Variants in TSPEAR observed in about 807,000 individuals in gnomAD.
TSPEAR encodes thrombospondin type laminin G domain and EAR repeats.
A neutral mutation model predicts 71.6 loss-of-function variants in TSPEAR; 69 were observed. The ratio of observed to expected loss-of-function variants is 0.96; its 90% CI spans 0.79 to 1.18. The LOEUF is 1.18. Among genes scored for constraint, TSPEAR ranks in the 50% most tolerant of loss-of-function variants. The probability of loss-of-function intolerance (pLI) is 0.00; values close to 1 mark genes in which losing one functional copy is unlikely to be tolerated. For missense variants in TSPEAR, 971 were observed against 894.9 expected, an observed-to-expected ratio of 1.09 and a Z score of -1.09; for synonymous variants, 402 against 387.2, an observed-to-expected ratio of 1.04 and a Z score of -0.45.
At chr21:44,703,196 G>A (rs1390513629) in intron 1 of TSPEAR, among the ~76,000 whole-genome samples, 4 of 152,144 alleles carry the variant, frequency 2.6e-5, no homozygotes, top group Non-Finnish European at 5.9e-5. Flanking sequence ...TTCTTTCTCG[G>A]GCCCTCTATG....
At chr21:44,535,595 G>A (rs587701267) in intron 2 of TSPEAR, among the ~76,000 whole-genome samples, 17 of 152,274 alleles carry the variant, frequency 1.1e-4, no homozygotes, top group African/African-American at 3.9e-4. Flanking sequence ...TGTACACTGC[G>A]ACTGCCTGCA....
At chr21:44,561,319 C>A (rs1601418319) in intron 2 of TSPEAR, among the ~76,000 whole-genome samples, 1 of 152,150 alleles carries the variant, frequency 6.6e-6, no homozygotes, top group African/African-American at 2.4e-5. Flanking sequence ...ATAGCAAGTT[C>A]TGAAATTGAG....
chr21:44,558,550 G>A, intron 2 of TSPEAR: 2 of 1,613,328 alleles, frequency 1.2e-6, no homozygotes, highest in Non-Finnish European at 8.5e-7. Flanking sequence ...TGGCAGCAGG[G>A]GCTGGACACA....
At chr21:44,580,705 C>T (rs1219398528) in intron 1 of TSPEAR, 16 of 1,016,532 alleles carry the variant, frequency 1.6e-5, no homozygotes, top group African/African-American at 9.7e-5. Context: ...CCCTCCCTGG[C>T]GTGTGTTGTC....
At chr21:44,538,833 T>G in intron 2 of TSPEAR, 1 of 224,412 alleles carries the variant, frequency 4.5e-6, no homozygotes, top group Non-Finnish European at 8.8e-6. Context: ...TGACCGTGAG[T>G]CCCACCTGGT....
intron 2 of TSPEAR, chr21:44,558,582 A>G (rs2053583261): frequency 6.2e-7 from 1 of 1,611,676 alleles, no homozygotes; most frequent in Non-Finnish European, 8.5e-7. Context: ...GGTGCAGACC[A>G]GGGTCAGGCA....
intron 7 of TSPEAR, chr21:44,526,048 G>A (rs1224446713): frequency 2.1e-6 from 1 of 471,238 alleles, no homozygotes; most frequent in Non-Finnish European, 3.8e-6. Context: ...CCTTGAAAAT[G>A]TCCATATTCT....
intron 8 of TSPEAR, among the ~76,000 whole-genome samples, chr21:44,522,949 C>T (rs2052764322): frequency 6.6e-6 from 1 of 152,284 alleles, no homozygotes; most frequent in African/African-American, 2.4e-5. Flanking sequence ...GTCTGTCAGT[C>T]AGTCATTGAG....
At chr21:44,690,130 AG>A (rs199909383) in intron 1 of TSPEAR, among the ~76,000 whole-genome samples, 1,701 of 152,280 alleles carry the variant, frequency 0.011, 28 homozygotes, top group African/African-American at 0.039. Flanking sequence ...CATCACCATG[AG>A]GTTGAGAAAT....
rs782019002 is a variant in TSPEAR, at chr21:44,525,857, G to A, written c.1150-18C>T. ...AGGAAGATCTGAAAGAGAGTAAACCGGGACCACGTGGTTCTGCTTGGGTCG... is the reference window on the plus strand; with the variant it reads ...AGGAAGATCTGAAAGAGAGTAAACCAGGACCACGTGGTTCTGCTTGGGTCG... On this transcript the variant is annotated intron_variant, in intron 7 of 11. Coordinates refer to ENST00000323084, the MANE Select transcript of TSPEAR (RefSeq NM_144991.3). The A allele has an allele frequency of 9.3e-6, 15 of 1,613,226 alleles. No homozygotes were observed. Among genetic ancestry groups the A allele is most frequent in the Admixed American group, 3.3e-5 (2 of 59,988 alleles).
intron 1 of TSPEAR, chr21:44,675,757 T>G: frequency 3.9e-6 from 2 of 512,496 alleles, no homozygotes; most frequent in East Asian, 3.6e-5. Context: ...GAACAGTACT[T>G]GTAAGCCTGC....
intron 1 of TSPEAR, among the ~76,000 whole-genome samples, chr21:44,656,044 C>T (rs1289835169): frequency 6.6e-6 from 1 of 152,150 alleles, no homozygotes; most frequent in Admixed American, 6.5e-5. Context: ...GTGGGAGTCA[C>T]CTTAAGGCCT....
intron 1 of TSPEAR, among the ~76,000 whole-genome samples, chr21:44,639,487 G>A (rs1325334611): frequency 6.6e-6 from 1 of 152,228 alleles, no homozygotes; most frequent in Non-Finnish European, 1.5e-5. Flanking sequence ...AGGACAACCA[G>A]CAGCAGCCGT....
At position 44,687,038 on chromosome 21, in the gene TSPEAR, AGAC is replaced by A. The variant is rs1184520978; in HGVS notation, c.82+24392_82+24394del. On this transcript the variant is annotated intron_variant, in intron 1 of 11. Coordinates refer to ENST00000323084, the MANE Select transcript of TSPEAR (RefSeq NM_144991.3). The surrounding 1 kb of genome is among the most constrained non-coding windows in gnomAD (Gnocchi z 4.4). The stretch of plus-strand genomic sequence containing the variant: ...GGGGTGTCTCCTTCCCAGTAGTTTC[AGAC>A]GAGGATCTCTCAGCCAGGACTCTTC... Among the ~76,000 whole-genome samples, 4 of 152,172 alleles carry A rather than the reference AGAC, an allele frequency of 2.6e-5. No homozygotes were observed. The highest frequency in any genetic ancestry group is 5.9e-5 in the Non-Finnish European group (4 of 68,012).
At chr21:44,573,575 T>A in intron 1 of TSPEAR, 2 of 1,068,118 alleles carry the variant, frequency 1.9e-6, no homozygotes, top group South Asian at 3.2e-5. Flanking sequence ...ACACAGCTAC[T>A]GTTTATTCTC....
intron 1 of TSPEAR, among the ~76,000 whole-genome samples, chr21:44,614,036 T>C (rs1555931860): frequency 6.6e-6 from 1 of 152,142 alleles, no homozygotes; most frequent in South Asian, 2.1e-4. Flanking sequence ...CTGCTGGGCT[T>C]GCCCATCCTG....
intron 1 of TSPEAR, among the ~76,000 whole-genome samples, chr21:44,672,435 T>A (rs1986101809): frequency 6.6e-6 from 1 of 152,144 alleles, no homozygotes; most frequent in African/African-American, 2.4e-5. Flanking sequence ...CCGGGCGTGG[T>A]GGCAGGTGCC....
intron 1 of TSPEAR, among the ~76,000 whole-genome samples, chr21:44,588,317 C>T (rs1569203382): frequency 6.6e-6 from 1 of 152,100 alleles, no homozygotes; most frequent in Non-Finnish European, 1.5e-5. Context: ...AAATCAAAAC[C>T]ACAATGGGAT....
At chr21:44,519,138 C>A (rs2052679460) in intron 9 of TSPEAR, 1 of 153,562 alleles carries the variant, frequency 6.5e-6, no homozygotes, top group South Asian at 2.0e-4. Flanking sequence ...ACGCCATTCT[C>A]CTGCCTCAGC....
Sources: gnomAD v4.1 joint callset for allele counts (sites outside exome capture counted in the v4.1 genomes callset) on GRCh38, gnomAD v4.1.1 for gene constraint, Gnocchi (gnomAD v3.1) non-coding constraint, MANE v1.5 for transcripts, NCBI Gene and HGNC (gene_info 2026-07-23, HGNC 2026-07-21) for gene names.